SMCO1: variants seen among roughly 807,000 people sequenced by gnomAD.
The protein encoded by SMCO1 is single-pass membrane protein with coiled-coil domains 1, also known as single-pass membrane and coiled-coil domain-containing protein 1.
SMCO1 carries 9 observed loss-of-function variants against 7.5 expected under a neutral mutation model. That is an observed-to-expected ratio of 1.20 (90% CI 0.72 to 2.09). SMCO1 has a LOEUF of 2.09. SMCO1 is among the 30% of genes most tolerant of loss of function. The probability of loss-of-function intolerance (pLI) is 0.00; values close to 1 mark genes in which losing one functional copy is unlikely to be tolerated. For synonymous variants in SMCO1, 90 were observed against 93.8 expected (o/e 0.96, Z 0.23); for missense variants, 219 against 253.1 (o/e 0.87, Z 0.91).
Position 196,507,996 on chromosome 3 carries a change from T to C in SMCO1, c.536A>G (p.Gln179Arg), listed in dbSNP as rs964921644. 6.2e-7 allele frequency: 1 copy of C among 1,614,090 alleles called. No homozygotes were observed. The highest frequency in any genetic ancestry group is 1.3e-5 in the African/African-American group (1 of 74,934). The change falls in exon 3 of 3, where the codon CAG becomes CGG. Residue 179 changes from glutamine (Q) to arginine (R), a missense_variant. By Grantham distance (43) the Gln-to-Arg change is conservative. Transcript: ENST00000397537. ...ITNMVKNQAL[Q>R]DSLLRAVQVI... Reference sequence around the variant, plus strand: ...CTGCACAGCCCTCAGCAAACTGTCCTGCAGAGCCTGGTTCTTTACCATGTT... The same window carrying C: ...CTGCACAGCCCTCAGCAAACTGTCCCGCAGAGCCTGGTTCTTTACCATGTT...
At chr3:196,508,422 C>A (rs187515815) in intron 2 of SMCO1, 91 bp from the exon 3 acceptor site, 2 of 986,994 alleles carry the variant, frequency 2.0e-6, no homozygotes, top group Admixed American at 2.9e-5. Context: ...CAATATGAAC[C>A]CACTAGGAGA....
chr3:196,513,560 C>T (rs1405079571), intron 1 of SMCO1, among the ~76,000 whole-genome samples: 15 of 130,770 alleles, frequency 1.1e-4, no homozygotes, highest in African/African-American at 3.5e-4. Context: ...ACCTGGGAGG[C>T]GGAGGTTGCA....
At chr3:196,516,065 A>ATG (rs1553865676), upstream of SMCO1, among the ~76,000 whole-genome samples, 6 of 136,992 alleles carry the variant, frequency 4.4e-5, no homozygotes, top group Non-Finnish European at 7.8e-5. Context: ...AATTATATAT[A>ATG]ATATATAATT....
Position 196,509,540 on chromosome 3 carries a change from C to G in SMCO1, c.180G>C (p.Trp60Cys), listed in dbSNP as rs1240018514. The change falls in exon 2 of 3, where the codon TGG becomes TGC. Residue 60 changes from tryptophan to cysteine, a missense_variant. Trp to Cys is a radical substitution (Grantham distance 215). Transcript: ENST00000397537. ...LASQAAQDEM[W>C]TAVRALQLTS... ...CTCACTGGAGTGCCCGAACTGCTGTCCACATCTCATCTTGGGCTGCTTGGC... is the reference window on the plus strand; with the variant it reads ...CTCACTGGAGTGCCCGAACTGCTGTGCACATCTCATCTTGGGCTGCTTGGC... 1 of 1,613,920 alleles carries G rather than the reference C, an allele frequency of 6.2e-7. No individual in the cohort carries two copies.
chr3:196,509,393 A>G (rs1270744801), intron 2 of SMCO1, 127 bp downstream of exon 2: 1 of 848,954 alleles, frequency 1.2e-6, no homozygotes, highest in Non-Finnish European at 1.8e-6. Flanking sequence ...AAAATAAATG[A>G]ACCTAAGAAA....
intron 1 of SMCO1, among the ~76,000 whole-genome samples, chr3:196,514,498 G>C (rs1445053984): frequency 6.6e-6 from 1 of 152,020 alleles, no homozygotes; most frequent in Non-Finnish European, 1.5e-5. Context: ...CTTCATGTTC[G>C]CATAGACCTT....
At chr3:196,513,759 A>C (rs1733312567) in intron 1 of SMCO1, among the ~76,000 whole-genome samples, 1 of 152,162 alleles carries the variant, frequency 6.6e-6, no homozygotes, top group Non-Finnish European at 1.5e-5. Flanking sequence ...CAATCAGTAT[A>C]AAAATTTACA....
chr3:196,515,010 G>A, intron 1 of SMCO1, 150 bp downstream of exon 1: 2 of 911,642 alleles, frequency 2.2e-6, no homozygotes, highest in Non-Finnish European at 3.5e-6. Context: ...AGTGTGCTGG[G>A]ATTACAGGTG....
rs112539100 is a variant in SMCO1 at position 196,508,639 on chromosome 3, T to C, written c.201-308A>G. 6.1e-3 allele frequency among the ~76,000 whole-genome samples: 817 copies of C among 133,078 alleles called. 8 individuals carry two copies. Among genetic ancestry groups the C allele is most frequent in the African/African-American group, 0.021 (745 of 35,456 alleles). The allele number at this position is 133,078 out of a possible 152,430, so 87.3% of individuals were successfully genotyped here. Reference sequence around the variant, plus strand: ...CATCATGCCCAGCCAGTACTCACTTTAGAATTAATGCAGATAGGCTGGGCG... The same window carrying C: ...CATCATGCCCAGCCAGTACTCACTTCAGAATTAATGCAGATAGGCTGGGCG... On this transcript the variant is annotated intron_variant, in intron 2 of 2. Transcript: ENST00000397537.
At chr3:196,508,702 C>T (rs113977584) in intron 2 of SMCO1, among the ~76,000 whole-genome samples, 13,729 of 150,376 alleles carry the variant, frequency 0.091, 2,129 homozygotes, top group African/African-American at 0.32. Flanking sequence ...TGTGGGAGGA[C>T]GAGGTGGTTG....
rs138253449 is a variant in SMCO1, at chr3:196,510,747, C to G, written c.51-1078G>C. ...CTGTGGACCCATCTCCCGCCTCCTG[C>G]TTTACTATTAGGGTTAGCCTTTCAT... On this transcript the variant is annotated intron_variant, in intron 1 of 2. Transcript: ENST00000397537. 3.8e-3 allele frequency among the ~76,000 whole-genome samples: 571 copies of G among 152,262 alleles called. 7 individuals are homozygous for G. The highest frequency in any genetic ancestry group is 0.013 in the African/African-American group (522 of 41,554).
At chr3:196,515,520 C>T (rs1356761228), upstream of SMCO1, among the ~76,000 whole-genome samples, 3 of 152,048 alleles carry the variant, frequency 2.0e-5, no homozygotes, top group Non-Finnish European at 2.9e-5. Flanking sequence ...TGACTGTGTA[C>T]ATTATGGTAA....
At chr3:196,517,968 C>G (rs1357663322), upstream of SMCO1, among the ~76,000 whole-genome samples, 1 of 152,232 alleles carries the variant, frequency 6.6e-6, no homozygotes, top group Non-Finnish European at 1.5e-5. Flanking sequence ...ACCAGACCTG[C>G]AAGCATTGAT....
chr3:196,517,104 C>CAAAAAAAAAA (rs56104987), upstream of SMCO1, among the ~76,000 whole-genome samples: 12 of 35,736 alleles, frequency 3.4e-4, 1 homozygote, highest in African/African-American at 1.9e-3. Flanking sequence ...GACTCCATCG[C>CAAAAAAAAAA]AAAAAAAAAA....
chr3:196,508,000 G>A lies in SMCO1; in HGVS notation c.532C>T (p.Leu178=). 2 of 1,614,160 alleles carry A rather than the reference G, an allele frequency of 1.2e-6. No homozygotes were observed. The highest frequency in any genetic ancestry group is 1.7e-6 in the Non-Finnish European group (2 of 1,180,030). Reference sequence around the variant, plus strand: ...ACAGCCCTCAGCAAACTGTCCTGCAGAGCCTGGTTCTTTACCATGTTAGTA... The same window carrying A: ...ACAGCCCTCAGCAAACTGTCCTGCAAAGCCTGGTTCTTTACCATGTTAGTA... ...LITNMVKNQA[L]QDSLLRAVQV... The change falls in exon 3 of 3, where the codon CTG becomes TTG. Residue 178 remains leucine, a synonymous_variant. Transcript: ENST00000397537.
At chr3:196,515,544 T>C (rs1733363516), upstream of SMCO1, among the ~76,000 whole-genome samples, 1 of 152,238 alleles carries the variant, frequency 6.6e-6, no homozygotes, top group African/African-American at 2.4e-5. Context: ...TATATACAGA[T>C]ACATTAACGT....
At chr3:196,508,667 G>A in intron 2 of SMCO1, among the ~76,000 whole-genome samples, 1 of 1,590 alleles carries the variant, frequency 6.3e-4, no homozygotes, top group Non-Finnish European at 2.7e-3. Context: ...GCTGGGCGTG[G>A]TGCTCACGCC....
rs1247475170 is a variant in SMCO1, at chr3:196,507,150, T to C, written c.*737A>G. ...CAGGAGAGAGGGTGCCAGACGAGAA[T>C]GGGAGCTCTCAGTCTGGCTCATGGA... is the stretch of plus-strand genomic sequence containing the variant. On this transcript the variant is annotated 3_prime_UTR_variant, in exon 3 of 3. Coordinates refer to ENST00000397537, the MANE Select transcript of SMCO1 (RefSeq NM_001077657.3). 6.6e-6 allele frequency: 1 copy of C among 152,132 alleles called. No homozygotes were observed. Among genetic ancestry groups the C allele is most frequent in the Non-Finnish European group, 1.5e-5 (1 of 68,062 alleles). 9.4% of individuals were successfully genotyped at this position (152,132 alleles called of 1,614,324 possible). A position where few individuals can be genotyped will look rare whatever the true frequency, so the allele number is the denominator to read the frequency against.
the SMCO1 span, among the ~76,000 whole-genome samples, chr3:196,520,406 T>C: frequency 6.6e-6 from 1 of 152,164 alleles, no homozygotes; most frequent in Non-Finnish European, 1.5e-5. Flanking sequence ...AGGAGCAATC[T>C]GAGACAGCTA....
Sources: allele counts gnomAD v4.1 joint callset (sites outside exome capture counted in the v4.1 genomes callset), GRCh38; gene constraint gnomAD v4.1.1; transcripts MANE v1.5; gene names NCBI Gene and HGNC (gene_info 2026-07-23, HGNC 2026-07-21).